ARL13B: variants seen among roughly 807,000 people sequenced by gnomAD.
ARL13B encodes ADP-ribosylation factor-like protein 13B.
In ARL13B, 36 loss-of-function variants were observed where a neutral mutation model predicts 56.1. The ratio of observed to expected loss-of-function variants is 0.64; its 90% CI spans 0.49 to 0.85. ARL13B has a LOEUF of 0.85. Among genes scored for constraint, ARL13B ranks in the 40% least tolerant of loss-of-function variants. ARL13B has a pLI of 0.00. For synonymous variants in ARL13B, 178 were observed against 171.1 expected (o/e 1.04, Z -0.32); for missense variants, 519 against 507.1 (o/e 1.02, Z -0.23).
At position 94,043,175 on chromosome 3, in the gene ARL13B, A is replaced by G; in HGVS notation, c.959A>G (p.Tyr320Cys). 1 of 1,613,724 alleles carries G rather than the reference A, an allele frequency of 6.2e-7. No individual in the cohort carries two copies. Among genetic ancestry groups the G allele is most frequent in the East Asian group, 2.2e-5 (1 of 44,794 alleles). Residue 320 changes from tyrosine to cysteine, a missense_variant, in exon 7 of 10, where the codon TAT becomes TGT. By Grantham distance (194) the Tyr-to-Cys change is radical. Transcript: ENST00000394222. ...KNNEFGLVEN[Y>C]KEALTQQLKN... is the part of the protein sequence containing the mutation. ...AATGAATTTGGACTAGTAGAAAATTATAAGGAGGCATTAACACAGCAGTTA... is the reference window on the plus strand; with the variant it reads ...AATGAATTTGGACTAGTAGAAAATTGTAAGGAGGCATTAACACAGCAGTTA...
chr3:94,004,178 G>C (rs2076097091), intron 3 of ARL13B, among the ~76,000 whole-genome samples: 1 of 152,038 alleles, frequency 6.6e-6, no homozygotes, highest in South Asian at 2.1e-4. Context: ...ACTTTTTATA[G>C]AATTTTGCAT....
intron 4 of ARL13B, 32 bp from the exon 5 acceptor site, chr3:94,036,520 T>C (rs766327215): frequency 6.2e-7 from 1 of 1,606,416 alleles, no homozygotes; most frequent in South Asian, 1.1e-5. Context: ...GGAGACCTTT[T>C]AATCTTTTAG....
intron 8 of ARL13B, among the ~76,000 whole-genome samples, chr3:94,050,317 T>C (rs1400537735): frequency 1.3e-5 from 2 of 152,136 alleles, no homozygotes; most frequent in Admixed American, 1.3e-4. Context: ...TATAAAACAC[T>C]GGGACTTAAC....
intron 5 of ARL13B, among the ~76,000 whole-genome samples, chr3:94,038,723 A>G (rs745723921): frequency 1.8e-4 from 27 of 151,722 alleles, no homozygotes; most frequent in Admixed American, 1.1e-3. Flanking sequence ...GGGTTTCACC[A>G]TGTTGATTAG....
intron 3 of ARL13B, among the ~76,000 whole-genome samples, chr3:94,012,441 T>C (rs557597006): frequency 2.1e-4 from 32 of 152,298 alleles, no homozygotes; most frequent in African/African-American, 6.3e-4. Flanking sequence ...AATTCTACCT[T>C]TTAAATCTAT....
At chr3:93,999,073 T>A (rs970984125) in intron 2 of ARL13B, among the ~76,000 whole-genome samples, 3 of 151,012 alleles carry the variant, frequency 2.0e-5, no homozygotes, top group African/African-American at 7.3e-5. Context: ...AGTAGCTTTT[T>A]TCTAATTCAT....
At position 94,053,168 on chromosome 3, in the gene ARL13B, G is replaced by T; in HGVS notation, c.1211-19G>T. ...GTACCATAACTGTTTTGTGCATTTG[G>T]TTTTCTTTCTTTTCTTAGATTTCTA... On this transcript the variant is annotated intron_variant, in intron 9 of 9. Coordinates refer to ENST00000394222, the MANE Select transcript of ARL13B (RefSeq NM_001174150.2). 2.5e-6 allele frequency: 4 copies of T among 1,604,300 alleles called. No homozygotes were observed. The highest frequency in any genetic ancestry group is 3.4e-6 in the Non-Finnish European group (4 of 1,176,026).
chr3:94,031,383 G>A (rs188609533), intron 3 of ARL13B, among the ~76,000 whole-genome samples: 265 of 152,096 alleles, frequency 1.7e-3, no homozygotes, highest in Non-Finnish European at 3.0e-3. Context: ...TAACTCCTAG[G>A]TTTTAGTCTT....
chr3:94,014,387 A>G, intron 3 of ARL13B: 8 of 1,518,908 alleles, frequency 5.3e-6, no homozygotes, highest in Non-Finnish European at 7.0e-6. Context: ...TAGCTTCTTT[A>G]TTTTGAGCTA....
At chr3:93,997,631 A>G (rs2075989210) in intron 2 of ARL13B, among the ~76,000 whole-genome samples, 1 of 152,186 alleles carries the variant, frequency 6.6e-6, no homozygotes, top group Non-Finnish European at 1.5e-5. Flanking sequence ...CCTTGCAGTC[A>G]TCCAGTCTCC....
intron 9 of ARL13B, among the ~76,000 whole-genome samples, chr3:94,051,434 T>C (rs2077065802): frequency 6.6e-6 from 1 of 152,120 alleles, no homozygotes. Context: ...TTTTATTGAA[T>C]TAAGAGAACA....
chr3:93,995,847 T>C, intron 1 of ARL13B, 27 bp from the exon 2 acceptor site: 2 of 1,579,422 alleles, frequency 1.3e-6, no homozygotes, highest in Non-Finnish European at 1.7e-6. Context: ...ACAAAGAAAG[T>C]GATTTTTAAA....
chr3:94,048,451 T>C (rs1257871823), intron 7 of ARL13B, among the ~76,000 whole-genome samples: 1 of 152,232 alleles, frequency 6.6e-6, no homozygotes, highest in African/African-American at 2.4e-5. Context: ...TTTATATGTG[T>C]TTAAGTTAAA....
At chr3:94,027,555 G>C (rs1187576366) in intron 3 of ARL13B, among the ~76,000 whole-genome samples, 1 of 152,006 alleles carries the variant, frequency 6.6e-6, no homozygotes, top group African/African-American at 2.4e-5. Context: ...AAGATAATGT[G>C]TTCGAGGTAT....
Position 94,053,640 on chromosome 3 carries a change from T to A in ARL13B, c.*377T>A, listed in dbSNP as rs1364140075. The A allele has an allele frequency of 5.2e-5, 23 of 444,444 alleles. No individual in the cohort carries two copies. In the East Asian group the frequency reaches 1.5e-3, roughly 29 times the overall value. 27.5% of individuals were successfully genotyped at this position (444,444 alleles called of 1,614,324 possible). A position where few individuals can be genotyped will look rare whatever the true frequency, so the allele number is the denominator to read the frequency against. On this transcript the variant is annotated 3_prime_UTR_variant, in exon 10 of 10. Coordinates refer to ENST00000394222, the MANE Select transcript of ARL13B (RefSeq NM_001174150.2). ...AGCCTATATTTCTAGATATTAAATA[T>A]TTTTTGTAAGATATATGCACATAGA...
chr3:93,989,040 C>T (rs549850979), intron 1 of ARL13B: 9 of 246,380 alleles, frequency 3.7e-5, no homozygotes, highest in Middle Eastern at 1.7e-3. Context: ...GCACTCCTCC[C>T]GCTGCCCGAG....
At chr3:94,042,142 T>G (rs1010505849) in intron 6 of ARL13B, among the ~76,000 whole-genome samples, 1 of 152,126 alleles carries the variant, frequency 6.6e-6, no homozygotes, top group African/African-American at 2.4e-5. Context: ...AAAATAACAC[T>G]AAGTTAAATA....
chr3:94,011,137 ATTG>A (rs1250582951), intron 3 of ARL13B, among the ~76,000 whole-genome samples: 1 of 152,098 alleles, frequency 6.6e-6, no homozygotes, highest in Non-Finnish European at 1.5e-5. Flanking sequence ...ATTATTTTGT[ATTG>A]TTTATGAAAT....
intron 6 of ARL13B, among the ~76,000 whole-genome samples, chr3:94,040,243 AATT>A (rs1433962325): frequency 1.3e-5 from 2 of 152,282 alleles, no homozygotes; most frequent in Non-Finnish European, 1.5e-5. Context: ...TGACTGTAGC[AATT>A]ATTATAGTTG....
Sources: gnomAD v4.1 joint callset for allele counts (sites outside exome capture counted in the v4.1 genomes callset) on GRCh38, gnomAD v4.1.1 for gene constraint, MANE v1.5 for transcripts, NCBI Gene and HGNC (gene_info 2026-07-23, HGNC 2026-07-21) for gene names.